Variants in CNTN4 observed in about 807,000 individuals in gnomAD.
CNTN4 encodes the protein contactin 4.
Under a neutral mutation model 122.5 loss-of-function variants are expected in CNTN4, and 77 were observed. The ratio of observed to expected loss-of-function variants is 0.63; its 90% CI spans 0.52 to 0.76. CNTN4 has a LOEUF of 0.76. Ranked by LOEUF, CNTN4 falls within the 30% of genes least tolerant of loss-of-function variation. The pLI, the probability that CNTN4 is intolerant of heterozygous loss-of-function variation, is 0.00. For missense variants in CNTN4, 1,256 were observed against 1,259.1 expected, an observed-to-expected ratio of 1.00 and a Z score of 0.04; for synonymous variants, 512 against 447.0, an observed-to-expected ratio of 1.15 and a Z score of -1.83.
At chr3:3,055,916 G>C (rs997520009) in intron 24 of CNTN4, among the ~76,000 whole-genome samples, 1 of 152,152 alleles carries the variant, frequency 6.6e-6, no homozygotes, top group Non-Finnish European at 1.5e-5. Context: ...CAAATGCTTT[G>C]ACAGAGGTAC....
chr3:2,746,906 G>C (rs534888015), intron 6 of CNTN4, among the ~76,000 whole-genome samples: 4 of 152,264 alleles, frequency 2.6e-5, no homozygotes, highest in Admixed American at 1.3e-4. Flanking sequence ...CTTTCTCTTG[G>C]TTTAATACAA....
intron 6 of CNTN4, among the ~76,000 whole-genome samples, chr3:2,770,612 C>T (rs1444090015): frequency 1.3e-5 from 2 of 152,222 alleles, no homozygotes; most frequent in Non-Finnish European, 2.9e-5. Flanking sequence ...CATCACTGCA[C>T]TGACCCGTAA....
chr3:2,762,077 G>T (rs1015667653), intron 6 of CNTN4, among the ~76,000 whole-genome samples: 9 of 152,204 alleles, frequency 5.9e-5, no homozygotes. Flanking sequence ...CAGTAGGGAA[G>T]ACAGACATTG....
At chr3:2,233,324 A>C (rs969952576) in intron 2 of CNTN4, among the ~76,000 whole-genome samples, 2 of 152,124 alleles carry the variant, frequency 1.3e-5, no homozygotes, top group African/African-American at 2.4e-5. Flanking sequence ...GGCATTCTCC[A>C]CTGGAAACAC....
chr3:2,923,617 C>T (rs188916271), intron 12 of CNTN4, among the ~76,000 whole-genome samples: 144 of 152,254 alleles, frequency 9.5e-4, no homozygotes, highest in African/African-American at 3.0e-3. Flanking sequence ...GTGCTTATTG[C>T]GTAATTCTCA....
At chr3:2,774,541 C>G (rs1329766727) in intron 6 of CNTN4, among the ~76,000 whole-genome samples, 2 of 152,204 alleles carry the variant, frequency 1.3e-5, no homozygotes, top group African/African-American at 4.8e-5. Flanking sequence ...TTGCTCTTCA[C>G]TCCATTAGCT....
chr3:2,406,855 T>C (rs980450541), intron 3 of CNTN4, among the ~76,000 whole-genome samples: 1 of 150,374 alleles, frequency 6.7e-6, no homozygotes, highest in Non-Finnish European at 1.5e-5. Flanking sequence ...TACCTAACTT[T>C]ATTAAGCCTC....
chr3:2,996,781 C>T (rs1008524845), intron 14 of CNTN4, among the ~76,000 whole-genome samples: 1 of 152,122 alleles, frequency 6.6e-6, no homozygotes, highest in African/African-American at 2.4e-5. Context: ...ATACTAATTG[C>T]CTCATTTCAG....
At chr3:2,548,555 C>A (rs1219308865) in intron 3 of CNTN4, among the ~76,000 whole-genome samples, 1 of 152,048 alleles carries the variant, frequency 6.6e-6, no homozygotes, top group Non-Finnish European at 1.5e-5. Context: ...GTTACCAGTA[C>A]CATGCTGTTT....
intron 2 of CNTN4, among the ~76,000 whole-genome samples, chr3:2,124,475 C>A (rs1003162885): frequency 6.7e-6 from 1 of 148,850 alleles, no homozygotes; most frequent in Admixed American, 6.6e-5. Context: ...CACACACACC[C>A]CCTTAAGCAA....
intron 2 of CNTN4, among the ~76,000 whole-genome samples, chr3:2,266,831 C>G (rs1283139669): frequency 6.6e-6 from 1 of 152,028 alleles, no homozygotes; most frequent in African/African-American, 2.4e-5. Context: ...CACAGTCAAG[C>G]AGTTGGTTTG....
intron 2 of CNTN4, among the ~76,000 whole-genome samples, chr3:2,145,628 A>G (rs917920434): frequency 6.6e-6 from 1 of 152,194 alleles, no homozygotes; most frequent in African/African-American, 2.4e-5. Flanking sequence ...TCCACCTCAC[A>G]TTCAGTTTAA....
At chr3:3,015,440 AAT>A (rs1439917473) in intron 14 of CNTN4, among the ~76,000 whole-genome samples, 1 of 152,150 alleles carries the variant, frequency 6.6e-6, no homozygotes, top group Non-Finnish European at 1.5e-5. Flanking sequence ...GAGGGTAGCT[AAT>A]ATTGTCTACC....
At chr3:2,540,578 G>T (rs1160059314) in intron 3 of CNTN4, among the ~76,000 whole-genome samples, 1 of 152,002 alleles carries the variant, frequency 6.6e-6, no homozygotes, top group Non-Finnish European at 1.5e-5. Context: ...AGGAGTTTCA[G>T]TATGATTTAT....
At chr3:2,805,224 T>A (rs1291094042) in intron 6 of CNTN4, among the ~76,000 whole-genome samples, 1 of 151,280 alleles carries the variant, frequency 6.6e-6, no homozygotes, top group Admixed American at 6.6e-5. Flanking sequence ...TCCTGATCAC[T>A]GTTGCTTCAT....
chr3:2,305,938 A>G (rs905539342), intron 2 of CNTN4, among the ~76,000 whole-genome samples: 12 of 152,190 alleles, frequency 7.9e-5, no homozygotes, highest in African/African-American at 2.7e-4. Flanking sequence ...TTTTAAAATT[A>G]ATCCATGTTA....
At chr3:2,936,666 G>C (rs559205723) in intron 13 of CNTN4, among the ~76,000 whole-genome samples, 5 of 152,070 alleles carry the variant, frequency 3.3e-5, no homozygotes, top group Non-Finnish European at 5.9e-5. Context: ...GCCTGAGAAC[G>C]TGCTGTTCTC....
intron 12 of CNTN4, among the ~76,000 whole-genome samples, chr3:2,915,122 G>A (rs1427531873): frequency 6.6e-6 from 1 of 152,194 alleles, no homozygotes; most frequent in South Asian, 2.1e-4. Flanking sequence ...CTGGAGTGCA[G>A]TGTTGTGATC....
At chr3:2,944,228 C>T (rs1190394343) in intron 13 of CNTN4, among the ~76,000 whole-genome samples, 2 of 151,370 alleles carry the variant, frequency 1.3e-5, no homozygotes, top group Admixed American at 6.6e-5. Context: ...AAATATAACA[C>T]CTCCTTTATT....
Sources: gnomAD v4.1 joint callset for allele counts (sites outside exome capture counted in the v4.1 genomes callset) on GRCh38, gnomAD v4.1.1 for gene constraint, MANE v1.5 for transcripts, NCBI Gene and HGNC (gene_info 2026-07-23, HGNC 2026-07-21) for gene names.